Variants in SUPT3H observed in about 807,000 individuals in gnomAD.
The protein encoded by SUPT3H is SPT3 homolog, SAGA and STAGA complex component, also known as transcription initiation protein SPT3 homolog.
A neutral mutation model predicts 44.3 loss-of-function variants in SUPT3H; 44 were observed. The observed-to-expected ratio is 0.99, with a 90% CI of 0.78 to 1.28. The LOEUF (loss-of-function observed/expected upper bound fraction) is 1.28. SUPT3H is among the 50% of genes most tolerant of loss of function. SUPT3H has a pLI of 0.00. For missense variants in SUPT3H, 380 were observed against 387.1 expected, an observed-to-expected ratio of 0.98 and a Z score of 0.15; for synonymous variants, 124 against 125.6, an observed-to-expected ratio of 0.99 and a Z score of 0.09.
At chr6:45,179,604 A>G (rs1013742842) in intron 2 of SUPT3H, among the ~76,000 whole-genome samples, 1 of 152,236 alleles carries the variant, frequency 6.6e-6, no homozygotes, top group Non-Finnish European at 1.5e-5. Context: ...AATCCAGCAT[A>G]TCAACGGAAC....
Position 44,954,646 on chromosome 6 carries a change from T to G in SUPT3H, c.581-39A>C, listed in dbSNP as rs570390638. The stretch of plus-strand genomic sequence containing the variant: ...AAAAACAAGTGCAGAAATTTTAATT[T>G]TTAAAGTGTTTTAATACTGCACATT... On this transcript the variant is annotated intron_variant, in intron 7 of 10. Coordinates refer to ENST00000371459, the MANE Select transcript of SUPT3H (RefSeq NM_003599.4). 4 of 1,255,158 alleles carry G rather than the reference T, an allele frequency of 3.2e-6. No homozygotes were observed. In the African/African-American group the frequency reaches 5.9e-5, roughly 19 times the overall value. The allele number at this position is 1,255,158 out of a possible 1,614,324, so 77.8% of individuals were successfully genotyped here.
At chr6:45,287,629 T>C (rs1400653770) in intron 2 of SUPT3H, among the ~76,000 whole-genome samples, 2 of 152,156 alleles carry the variant, frequency 1.3e-5, no homozygotes, top group African/African-American at 4.8e-5. Flanking sequence ...GGAGCAGTTA[T>C]TGTTTAATGG....
intron 2 of SUPT3H, among the ~76,000 whole-genome samples, chr6:45,256,484 C>T (rs1274455843): frequency 6.6e-6 from 1 of 151,978 alleles, no homozygotes; most frequent in Non-Finnish European, 1.5e-5. Flanking sequence ...CTAATCACCT[C>T]CTAAAAGCCC....
At chr6:45,263,130 T>C (rs1202072898) in intron 2 of SUPT3H, among the ~76,000 whole-genome samples, 1 of 152,156 alleles carries the variant, frequency 6.6e-6, no homozygotes, top group Non-Finnish European at 1.5e-5. Flanking sequence ...ATCCCACTAC[T>C]GGATATATAC....
intron 2 of SUPT3H, among the ~76,000 whole-genome samples, chr6:45,286,574 T>A (rs912381294): frequency 6.6e-6 from 1 of 152,088 alleles, no homozygotes; most frequent in African/African-American, 2.4e-5. Context: ...ATGGCGATCA[T>A]TAAAAACTGA....
rs1037972541 is a variant in SUPT3H at position 44,826,821 on chromosome 6, G to A, written c.*2995C>T. Among the ~76,000 whole-genome samples the A allele has an allele frequency of 2.0e-5, 3 of 152,048 alleles. No homozygotes were observed. Among genetic ancestry groups the A allele is most frequent in the Admixed American group, 1.3e-4 (2 of 15,256 alleles). ...TTGTTTATTATTTTATAAAAACAAA[G>A]AACAGCAATAAATGAAGGGTTCTCC... On this transcript the variant is annotated 3_prime_UTR_variant, in exon 11 of 11. Coordinates refer to ENST00000371459, the MANE Select transcript of SUPT3H (RefSeq NM_003599.4).
intron 10 of SUPT3H, among the ~76,000 whole-genome samples, chr6:44,924,361 A>C (rs911205124): frequency 1.3e-5 from 2 of 152,138 alleles, no homozygotes; most frequent in African/African-American, 4.8e-5. Context: ...ACTGTCATCC[A>C]TAACTTTGAC....
chr6:44,868,612 C>T (rs1186777057), intron 10 of SUPT3H, among the ~76,000 whole-genome samples: 1 of 152,188 alleles, frequency 6.6e-6, no homozygotes, highest in Non-Finnish European at 1.5e-5. Context: ...CTCTAAGACT[C>T]TGCTGCTGGG....
chr6:44,948,768 T>C (rs969732650), intron 9 of SUPT3H, among the ~76,000 whole-genome samples: 5 of 151,944 alleles, frequency 3.3e-5, no homozygotes, highest in Non-Finnish European at 5.9e-5. Flanking sequence ...TGTGGAGAAA[T>C]AGGAACACTT....
At chr6:45,066,159 C>T (rs1429560775) in intron 3 of SUPT3H, among the ~76,000 whole-genome samples, 21 of 144,580 alleles carry the variant, frequency 1.5e-4, no homozygotes, top group Admixed American at 8.3e-4. Context: ...GTTCAATATA[C>T]GCAAATCAAT....
chr6:44,905,036 C>T (rs1201322565), intron 10 of SUPT3H, among the ~76,000 whole-genome samples: 1 of 152,070 alleles, frequency 6.6e-6, no homozygotes, highest in African/African-American at 2.4e-5. Flanking sequence ...GGATTAAAGA[C>T]TTAAACGTTA....
intron 2 of SUPT3H, among the ~76,000 whole-genome samples, chr6:45,160,678 A>C (rs1808800757): frequency 6.6e-6 from 1 of 152,162 alleles, no homozygotes; most frequent in Non-Finnish European, 1.5e-5. Flanking sequence ...AGTAAAGTAC[A>C]AAGGAAAAAA....
intron 2 of SUPT3H, among the ~76,000 whole-genome samples, chr6:45,272,692 G>A (rs1249649720): frequency 6.6e-6 from 1 of 152,174 alleles, no homozygotes; most frequent in Non-Finnish European, 1.5e-5. Flanking sequence ...CTCTTGATTG[G>A]AGGAAAGACA....
At chr6:44,896,345 G>A (rs767753013) in intron 10 of SUPT3H, among the ~76,000 whole-genome samples, 6 of 152,006 alleles carry the variant, frequency 3.9e-5, no homozygotes, top group Non-Finnish European at 8.8e-5. Context: ...TAAATACATC[G>A]CAAGTAATGT....
At chr6:44,958,082 C>A (rs183451309) in intron 7 of SUPT3H, among the ~76,000 whole-genome samples, 1 of 152,138 alleles carries the variant, frequency 6.6e-6, no homozygotes, top group Non-Finnish European at 1.5e-5. Flanking sequence ...CTCTTCCCAA[C>A]GTATCAGGAG....
At position 45,281,178 on chromosome 6, in the gene SUPT3H, C is replaced by A. The variant is rs148620205; in HGVS notation, c.101+84023G>T. On this transcript the variant is annotated intron_variant, in intron 2 of 10. Coordinates refer to ENST00000371459, the MANE Select transcript of SUPT3H (RefSeq NM_003599.4). ...CTCCCAGCATGAGCAATGCAGAAGACGGGTGATTTCTGCATTTCCAACTGA... is the reference window on the plus strand; with the variant it reads ...CTCCCAGCATGAGCAATGCAGAAGAAGGGTGATTTCTGCATTTCCAACTGA... Among the ~76,000 whole-genome samples, 9 of 152,288 alleles carry A rather than the reference C, an allele frequency of 5.9e-5. No individual in the cohort carries two copies. The East Asian group carries it at 1.5e-3, about 26-fold the overall frequency.
chr6:45,105,819 AAAG>A (rs1320528864), intron 3 of SUPT3H, 100 bp downstream of exon 3: 32 of 904,154 alleles, frequency 3.5e-5, no homozygotes, highest in Non-Finnish European at 5.1e-5. Context: ...TGCTAACAAA[AAAG>A]AATTCCAGCT....
intron 2 of SUPT3H, among the ~76,000 whole-genome samples, chr6:45,336,848 T>A (rs1213497253): frequency 6.6e-6 from 1 of 151,574 alleles, no homozygotes; most frequent in Non-Finnish European, 1.5e-5. Flanking sequence ...TTCAAATACA[T>A]GGTCAATTCA....
chr6:44,839,848 C>G (rs1206398296), intron 10 of SUPT3H, among the ~76,000 whole-genome samples: 12 of 152,066 alleles, frequency 7.9e-5, no homozygotes, highest in Admixed American at 6.5e-4. Flanking sequence ...ACTACAGGTG[C>G]CCGCCACCAC....
Sources: gnomAD v4.1 joint callset for allele counts (sites outside exome capture counted in the v4.1 genomes callset) on GRCh38, gnomAD v4.1.1 for gene constraint, MANE v1.5 for transcripts, NCBI Gene and HGNC (gene_info 2026-07-23, HGNC 2026-07-21) for gene names.